The following KHDRBS2 variants were observed in gnomAD, a reference collection of about 807,000 sequenced individuals.
KHDRBS2 encodes the protein KH domain-containing, RNA-binding, signal transduction-associated protein 2.
Under a neutral mutation model 44.3 loss-of-function variants are expected in KHDRBS2, and 26 were observed. The ratio of observed to expected loss-of-function variants is 0.59; its 90% CI spans 0.43 to 0.81. The LOEUF is 0.81. Among genes scored for constraint, KHDRBS2 ranks in the 40% least tolerant of loss-of-function variants. The probability of loss-of-function intolerance (pLI) is 0.00; values close to 1 mark genes in which losing one functional copy is unlikely to be tolerated. For missense variants in KHDRBS2, 476 were observed against 433.1 expected (o/e 1.10, Z -0.88); for synonymous variants, 194 against 151.1 (o/e 1.28, Z -2.08).
the KHDRBS2 span, among the ~76,000 whole-genome samples, chr6:61,569,392 GA>G: frequency 5.3e-5 from 8 of 152,082 alleles, no homozygotes; most frequent in Non-Finnish European, 1.0e-4. Context: ...ACTTACACTG[GA>G]AAAATTAGAG....
chr6:61,887,336 A>G (rs899167317), intron 6 of KHDRBS2, among the ~76,000 whole-genome samples: 4 of 152,146 alleles, frequency 2.6e-5, no homozygotes, highest in African/African-American at 7.2e-5. Flanking sequence ...ATTTTGTCCT[A>G]TGGGAGTTTT....
intron 4 of KHDRBS2, among the ~76,000 whole-genome samples, chr6:61,933,760 A>G (rs1030259159): frequency 6.6e-6 from 1 of 152,250 alleles, no homozygotes; most frequent in Non-Finnish European, 1.5e-5. Flanking sequence ...ACCACCGTGT[A>G]TATGAAATCT....
At chr6:62,253,314 T>A (rs1319442028) in intron 1 of KHDRBS2, among the ~76,000 whole-genome samples, 1 of 152,058 alleles carries the variant, frequency 6.6e-6, no homozygotes, top group African/African-American at 2.4e-5. Context: ...GAATTACACA[T>A]AATTTATCCA....
intron 2 of KHDRBS2, among the ~76,000 whole-genome samples, chr6:62,109,795 A>T (rs1394817275): frequency 1.3e-5 from 2 of 151,838 alleles, no homozygotes; most frequent in Admixed American, 1.3e-4. Context: ...AAAGAAAGGA[A>T]GGGAGAGAGA....
intron 1 of KHDRBS2, among the ~76,000 whole-genome samples, chr6:62,248,151 T>G (rs1835911903): frequency 6.6e-6 from 1 of 151,966 alleles, no homozygotes; most frequent in Non-Finnish European, 1.5e-5. Flanking sequence ...TTAGCATAAA[T>G]TAAGGTTGTG....
intron 3 of KHDRBS2, among the ~76,000 whole-genome samples, chr6:62,046,134 A>G (rs1300807097): frequency 6.6e-6 from 1 of 151,956 alleles, no homozygotes; most frequent in African/African-American, 2.4e-5. Flanking sequence ...ACTGAATTGT[A>G]AGTAACAGGT....
intron 1 of KHDRBS2, among the ~76,000 whole-genome samples, chr6:62,271,440 TTATG>T (rs1241263543): frequency 2.0e-5 from 3 of 152,360 alleles, no homozygotes; most frequent in Admixed American, 6.5e-5. Context: ...TGTTACTATT[TTATG>T]TATGTATTAT....
At chr6:61,662,033 C>T in the KHDRBS2 span, among the ~76,000 whole-genome samples, 1 of 152,086 alleles carries the variant, frequency 6.6e-6, no homozygotes, top group African/African-American at 2.4e-5. Flanking sequence ...CAGCATGGTA[C>T]TGGTACCAAA....
intron 6 of KHDRBS2, among the ~76,000 whole-genome samples, chr6:61,742,735 G>T (rs1180043296): frequency 2.0e-5 from 3 of 151,946 alleles, no homozygotes; most frequent in African/African-American, 4.8e-5. Context: ...GATCATAAAG[G>T]TACACATCCT....
chr6:62,181,044 A>G (rs1290413931), intron 1 of KHDRBS2, among the ~76,000 whole-genome samples: 1 of 151,276 alleles, frequency 6.6e-6, no homozygotes, highest in African/African-American at 2.4e-5. Context: ...AAAAAAATCA[A>G]CTCAAAGTGA....
intron 2 of KHDRBS2, among the ~76,000 whole-genome samples, chr6:62,127,830 G>A (rs532480398): frequency 6.6e-6 from 1 of 152,192 alleles, no homozygotes; most frequent in African/African-American, 2.4e-5. Context: ...ATGATTTTCT[G>A]TAAAGTCTCT....
the KHDRBS2 span, among the ~76,000 whole-genome samples, chr6:61,545,788 G>T: frequency 2.6e-5 from 4 of 151,962 alleles, no homozygotes; most frequent in Middle Eastern, 3.2e-3. Flanking sequence ...AGATCATAAG[G>T]GTGGTAGGTC....
intron 2 of KHDRBS2, among the ~76,000 whole-genome samples, chr6:62,061,226 C>G (rs1791772667): frequency 6.6e-6 from 1 of 150,870 alleles, no homozygotes; most frequent in African/African-American, 2.4e-5. Context: ...ATGATGTTAG[C>G]TGGTGATTTT....
intron 7 of KHDRBS2, among the ~76,000 whole-genome samples, chr6:61,718,737 T>C (rs561056663): frequency 1.5e-4 from 23 of 152,062 alleles, no homozygotes; most frequent in Non-Finnish European, 2.9e-4. Flanking sequence ...TCCCACAGCT[T>C]TCTCTGTTTC....
downstream of KHDRBS2, among the ~76,000 whole-genome samples, chr6:61,677,579 A>G (rs1183209548): frequency 6.6e-6 from 1 of 151,930 alleles, no homozygotes; most frequent in Non-Finnish European, 1.5e-5. Context: ...ATCTTGTCTT[A>G]CGGGGGTAGT....
intron 4 of KHDRBS2, among the ~76,000 whole-genome samples, chr6:61,926,222 T>C (rs983261251): frequency 2.6e-5 from 4 of 152,126 alleles, no homozygotes; most frequent in Non-Finnish European, 5.9e-5. Flanking sequence ...AAAGGGACAA[T>C]GTATTTTTTA....
chr6:62,033,746 G>A (rs187961613), intron 3 of KHDRBS2, among the ~76,000 whole-genome samples: 358 of 151,182 alleles, frequency 2.4e-3, no homozygotes, highest in Middle Eastern at 0.01. Context: ...CAAACAAAAG[G>A]AAGGCTGAGG....
intron 6 of KHDRBS2, among the ~76,000 whole-genome samples, chr6:61,871,438 G>T (rs2127303864): frequency 1.3e-5 from 2 of 152,250 alleles, no homozygotes; most frequent in Admixed American, 1.3e-4. Context: ...CAACCTTCAG[G>T]ATATTATCCA....
the KHDRBS2 span, among the ~76,000 whole-genome samples, chr6:61,584,147 T>C: frequency 6.6e-6 from 1 of 151,810 alleles, no homozygotes; most frequent in Non-Finnish European, 1.5e-5. Context: ...TCATGTTATC[T>C]GCATGTCAAA....
Sources: allele counts gnomAD v4.1 joint callset (sites outside exome capture counted in the v4.1 genomes callset), GRCh38; gene constraint gnomAD v4.1.1; transcripts MANE v1.5; gene names NCBI Gene and HGNC (gene_info 2026-07-23, HGNC 2026-07-21).